Variants in ARHGEF10 observed in about 807,000 individuals in gnomAD.
ARHGEF10 encodes the protein Rho guanine nucleotide exchange factor 10.
A neutral mutation model predicts 147.4 loss-of-function variants in ARHGEF10; 140 were observed. That is an observed-to-expected ratio of 0.95 (90% confidence interval 0.83 to 1.09). The LOEUF (loss-of-function observed/expected upper bound fraction) is 1.09. ARHGEF10 is among the 50% of genes least tolerant of loss of function. ARHGEF10 has a pLI of 0.00. For synonymous variants in ARHGEF10, 902 were observed against 695.8 expected, an observed-to-expected ratio of 1.30 and a Z score of -4.67; for missense variants, 2,222 against 1,752.7, an observed-to-expected ratio of 1.27 and a Z score of -4.78.
chr8:1,935,789 G>A (rs1319385194), intron 26 of ARHGEF10, among the ~76,000 whole-genome samples: 1 of 152,230 alleles, frequency 6.6e-6, no homozygotes, highest in Non-Finnish European at 1.5e-5. Context: ...GGGGAAATGA[G>A]GGCATCTATG....
In ARHGEF10 at chr8:1,948,404, G is replaced by T. The variant is rs1011298851; in HGVS notation, c.3397+2749G>T. 3.3e-5 allele frequency among the ~76,000 whole-genome samples: 5 copies of T among 152,116 alleles called. No homozygotes were observed. The highest frequency in any genetic ancestry group is 1.2e-4 in the African/African-American group (5 of 41,414). On this transcript the variant is annotated intron_variant, in intron 27 of 28. Coordinates refer to ENST00000349830, the MANE Select transcript of ARHGEF10 (RefSeq NM_014629.4). The surrounding 1 kb of genome is among the most constrained non-coding windows in gnomAD (Gnocchi z 4.9). ...GTGCTTCTCGTTGGCAGGTTTCTCC[G>T]GCATTTCGGTACTAAGTTGGAAATA...
At chr8:1,836,019 A>C (rs2129042696) in intron 1 of ARHGEF10, among the ~76,000 whole-genome samples, 1 of 152,112 alleles carries the variant, frequency 6.6e-6, no homozygotes, top group East Asian at 1.9e-4. Flanking sequence ...GTCTCTATTA[A>C]AAATACAAAA....
chr8:1,894,258 G>A (rs1476659838), intron 12 of ARHGEF10, 135 bp from the exon 13 acceptor site: 4 of 824,984 alleles, frequency 4.8e-6, no homozygotes, highest in Non-Finnish European at 6.0e-6. Flanking sequence ...GCTGAGGTGG[G>A]AGGATGGCTT....
chr8:1,909,012 G>A (rs897147883), intron 17 of ARHGEF10, among the ~76,000 whole-genome samples: 2 of 152,138 alleles, frequency 1.3e-5, no homozygotes, highest in Admixed American at 1.3e-4. Flanking sequence ...AGCAAGCACC[G>A]AGCTGCTTCC....
intron 23 of ARHGEF10, chr8:1,927,078 C>T: frequency 6.1e-6 from 1 of 164,512 alleles, no homozygotes; most frequent in Non-Finnish European, 1.3e-5. Context: ...CCTCTCACTT[C>T]TCACATCCAC....
intron 26 of ARHGEF10, among the ~76,000 whole-genome samples, chr8:1,942,066 C>T (rs190365478): frequency 6.6e-6 from 1 of 152,120 alleles, no homozygotes; most frequent in Admixed American, 6.5e-5. Flanking sequence ...ACAGTGGTTT[C>T]TTAGATCTGA....
chr8:1,885,093 T>G (rs1416106530), intron 10 of ARHGEF10, among the ~76,000 whole-genome samples: 1 of 152,182 alleles, frequency 6.6e-6, no homozygotes, highest in East Asian at 1.9e-4. Context: ...TAAACTGTTT[T>G]GAGTTTTGGA....
intron 11 of ARHGEF10, among the ~76,000 whole-genome samples, chr8:1,886,319 G>C (rs912320878): frequency 2.6e-5 from 4 of 152,144 alleles, no homozygotes; most frequent in African/African-American, 9.7e-5. Context: ...TTTCCCACAT[G>C]GGCAGCGAGG....
At chr8:1,905,826 T>A in intron 17 of ARHGEF10, 110 bp downstream of exon 17, 5 of 1,415,344 alleles carry the variant, frequency 3.5e-6, no homozygotes, top group Non-Finnish European at 4.9e-6. Context: ...ACTGGTTTTT[T>A]GTGCCAAAGC....
chr8:1,823,762 G>T (rs553632550), upstream of ARHGEF10, among the ~76,000 whole-genome samples: 2 of 151,828 alleles, frequency 1.3e-5, no homozygotes, highest in Non-Finnish European at 2.9e-5. Flanking sequence ...CCGGGCGTTG[G>T]GCAGCGGGAG....
rs1338907376 is a variant in ARHGEF10, at chr8:1,889,172, G to C, written c.1182+3465G>C. ...GTTGTGAGGAGACGCTGAGTTGGGG[G>C]GTTGTGAGGAGAGCGTGGGGTGAGG... On this transcript the variant is annotated intron_variant, in intron 11 of 28. Transcript: ENST00000349830. Among the ~76,000 whole-genome samples the C allele has an allele frequency of 5.2e-5, 4 of 76,204 alleles. 1 individual carries two copies. The highest frequency in any genetic ancestry group is 2.4e-4 in the African/African-American group (4 of 16,390). The allele number at this position is 76,204 out of a possible 152,430, so 50.0% of individuals were successfully genotyped here. A position where few individuals can be genotyped will look rare whatever the true frequency, so the allele number is the denominator to read the frequency against.
chr8:1,836,957 A>C (rs912899424), intron 1 of ARHGEF10, among the ~76,000 whole-genome samples: 9 of 152,184 alleles, frequency 5.9e-5, no homozygotes, highest in Non-Finnish European at 1.0e-4. Flanking sequence ...CACCTCCCAC[A>C]ATGATTCTGA....
intron 18 of ARHGEF10, among the ~76,000 whole-genome samples, chr8:1,917,648 G>C (rs529759882): frequency 6.6e-6 from 1 of 152,340 alleles, no homozygotes; most frequent in Admixed American, 6.5e-5. Context: ...TGCAGCAATT[G>C]TGTGTCACTG....
At chr8:1,933,698 G>A (rs906933282) in intron 25 of ARHGEF10, 102 bp from the exon 26 acceptor site, 19 of 1,421,766 alleles carry the variant, frequency 1.3e-5, no homozygotes, top group Non-Finnish European at 1.9e-5. Context: ...CATTACAGGT[G>A]ATCCTTCGGG....
At chr8:1,930,225 C>T (rs1160811783) in intron 25 of ARHGEF10, among the ~76,000 whole-genome samples, 3 of 152,112 alleles carry the variant, frequency 2.0e-5, no homozygotes, top group Non-Finnish European at 2.9e-5. Flanking sequence ...GGGCTTCCCT[C>T]ACCGAAAGTT....
At chr8:1,875,454 A>G (rs913336075) in intron 7 of ARHGEF10, among the ~76,000 whole-genome samples, 3 of 152,088 alleles carry the variant, frequency 2.0e-5, no homozygotes, top group Admixed American at 1.3e-4. Flanking sequence ...CCCAGCCCCA[A>G]ATTTCAGGCA....
intron 1 of ARHGEF10, among the ~76,000 whole-genome samples, chr8:1,827,848 A>G (rs1802856970): frequency 6.6e-6 from 1 of 152,228 alleles, no homozygotes; most frequent in African/African-American, 2.4e-5. Flanking sequence ...TGTGTAAAGT[A>G]AAATATGGTA....
In ARHGEF10 at chr8:1,937,284, C is replaced by T. The variant is rs1025395981; in HGVS notation, c.3222+3342C>T. Among the ~76,000 whole-genome samples the T allele has an allele frequency of 1.3e-5, 2 of 152,112 alleles. No individual in the cohort carries two copies. Among genetic ancestry groups the T allele is most frequent in the African/African-American group, 4.8e-5 (2 of 41,426 alleles). ...CTAGTGCGGCCATGCAGGGTAGCCC[C>T]GTGGATGCGGTCACAGCTTCTTGAG... On this transcript the variant is annotated intron_variant, in intron 26 of 28. Transcript: ENST00000349830. This position sits in a 1 kb window ranked among gnomAD's most constrained non-coding sequence, Gnocchi z 4.9.
At chr8:1,913,103 G>A (rs1234173025) in intron 18 of ARHGEF10, among the ~76,000 whole-genome samples, 1 of 152,044 alleles carries the variant, frequency 6.6e-6, no homozygotes, top group African/African-American at 2.4e-5. Context: ...AGCGCTCCTA[G>A]TTCTCGAGGT....
Sources: gnomAD v4.1 joint callset for allele counts (sites outside exome capture counted in the v4.1 genomes callset) on GRCh38, gnomAD v4.1.1 for gene constraint, Gnocchi (gnomAD v3.1) non-coding constraint, MANE v1.5 for transcripts, NCBI Gene and HGNC (gene_info 2026-07-23, HGNC 2026-07-21) for gene names.